DENND6A: variants seen among roughly 807,000 people sequenced by gnomAD.
DENND6A encodes the protein DENN domain containing 6A.
DENND6A carries 43 observed loss-of-function variants against 95.5 expected under a neutral mutation model. That is an observed-to-expected ratio of 0.45 (90% confidence interval 0.35 to 0.58). The LOEUF is 0.58. Among genes scored for constraint, DENND6A ranks in the 20% least tolerant of loss-of-function variants. The pLI, the probability that DENND6A is intolerant of heterozygous loss-of-function variation, is 0.00. For missense variants in DENND6A, 574 were observed against 736.0 expected, an observed-to-expected ratio of 0.78 and a Z score of 2.55; for synonymous variants, 257 against 260.4, an observed-to-expected ratio of 0.99 and a Z score of 0.13.
intron 5 of DENND6A, among the ~76,000 whole-genome samples, chr3:57,662,529 T>A (rs1257922863): frequency 6.6e-6 from 1 of 152,108 alleles, no homozygotes; most frequent in Non-Finnish European, 1.5e-5. Flanking sequence ...ACAAAAAGAA[T>A]TGTACATTTG....
rs1326255214 is a variant in DENND6A at position 57,631,200 on chromosome 3, C to T, written c.1354-222G>A. The T allele has an allele frequency of 5.9e-6, 3 of 506,872 alleles. No individual in the cohort carries two copies. In the East Asian group the frequency reaches 1.0e-4, roughly 17 times the overall value. 31.4% of individuals were successfully genotyped at this position (506,872 alleles called of 1,614,324 possible). ...AATCTTAGATAAACCAAGGGGACTA[C>T]ATTTTTTCTTTTTTGAGACAGAGCC... On this transcript the variant is annotated intron_variant, in intron 15 of 19. Coordinates refer to ENST00000311128, the MANE Select transcript of DENND6A (RefSeq NM_152678.3).
intron 9 of DENND6A, among the ~76,000 whole-genome samples, chr3:57,654,152 T>C (rs2071273688): frequency 6.6e-6 from 1 of 151,462 alleles, no homozygotes; most frequent in African/African-American, 2.4e-5. Flanking sequence ...AGACGGGGTT[T>C]CACCGTGTTA....
intron 11 of DENND6A, among the ~76,000 whole-genome samples, chr3:57,642,785 C>A (rs2070976936): frequency 6.6e-6 from 1 of 152,016 alleles, no homozygotes; most frequent in Non-Finnish European, 1.5e-5. Context: ...GTGGGCAGAT[C>A]ACCTGAGGTC....
At chr3:57,682,807 C>A (rs1170802773) in intron 1 of DENND6A, among the ~76,000 whole-genome samples, 1 of 152,192 alleles carries the variant, frequency 6.6e-6, no homozygotes, top group Admixed American at 6.5e-5. Context: ...ACTCAAGTAA[C>A]TGGGATTACA....
At chr3:57,639,744 C>T (rs186957261) in intron 12 of DENND6A, among the ~76,000 whole-genome samples, 1 of 152,030 alleles carries the variant, frequency 6.6e-6, no homozygotes, top group Non-Finnish European at 1.5e-5. Flanking sequence ...TATTAGCACA[C>T]AGTTCTGATT....
chr3:57,664,274 T>C (rs2071490671), intron 4 of DENND6A, among the ~76,000 whole-genome samples: 1 of 152,204 alleles, frequency 6.6e-6, no homozygotes, highest in Non-Finnish European at 1.5e-5. Flanking sequence ...GAATCTTATA[T>C]AGTCAGTTAC....
intron 12 of DENND6A, among the ~76,000 whole-genome samples, chr3:57,641,347 G>T: frequency 2.1e-5 from 3 of 141,168 alleles, no homozygotes; most frequent in African/African-American, 2.6e-5. Context: ...ATATATTTAA[G>T]TATATATTTA....
rs2070651223 is a variant in DENND6A, at chr3:57,630,727, A to G, written c.1505T>C (p.Ile502Thr). ...AAAAAAGACTAACCGGTAAAGTCCA[A>G]TCCAATCGCCTTTTATTCTAGAGGT... ...QLTSRIKGDW[I>T]GLYRHFLKSP... is the part of the protein sequence containing the mutation. The change falls in exon 17 of 20, where the codon ATT becomes ACT. Residue 502 changes from isoleucine to threonine, a missense_variant. Coordinates refer to ENST00000311128, the MANE Select transcript of DENND6A (RefSeq NM_152678.3). 1.2e-6 allele frequency: 2 copies of G among 1,613,414 alleles called. No individual in the cohort carries two copies. Among genetic ancestry groups the G allele is most frequent in the African/African-American group, 1.3e-5 (1 of 74,868 alleles).
chr3:57,664,916 G>C (rs185402369), intron 4 of DENND6A, among the ~76,000 whole-genome samples: 1 of 152,270 alleles, frequency 6.6e-6, no homozygotes, highest in African/African-American at 2.4e-5. Context: ...GGAAAGCCAA[G>C]GGGAAAAAGT....
At chr3:57,678,719 C>CGATGGTG (rs1472836297) in intron 1 of DENND6A, among the ~76,000 whole-genome samples, 4 of 152,230 alleles carry the variant, frequency 2.6e-5, no homozygotes, top group Non-Finnish European at 5.9e-5. Flanking sequence ...ATCTGCAAGC[C>CGATGGTG]AGGAAGAGGA....
chr3:57,663,329 C>CG (rs2071462513), intron 5 of DENND6A, among the ~76,000 whole-genome samples: 1 of 149,788 alleles, frequency 6.7e-6, no homozygotes, highest in Non-Finnish European at 1.5e-5. Flanking sequence ...AGCCAGGCGT[C>CG]GGGCGGGCAC....
chr3:57,630,686 T>C, intron 17 of DENND6A, 29 bp downstream of exon 17: 1 of 1,596,702 alleles, frequency 6.3e-7, no homozygotes, highest in Non-Finnish European at 8.5e-7. Context: ...GCACGACACA[T>C]GGGTGTAAAA....
In DENND6A at chr3:57,628,069, C is replaced by T; in HGVS notation, c.*145G>A. 8.3e-7 allele frequency: 1 copy of T among 1,210,044 alleles called. No homozygotes were observed. The highest frequency in any genetic ancestry group is 1.1e-6 in the Non-Finnish European group (1 of 881,856). 75.0% of individuals were successfully genotyped at this position (1,210,044 alleles called of 1,614,324 possible). On this transcript the variant is annotated 3_prime_UTR_variant, in exon 20 of 20. Coordinates refer to ENST00000311128, the MANE Select transcript of DENND6A (RefSeq NM_152678.3). Reference sequence around the variant, plus strand: ...AATGCACTAAAAAGGTCTGTTTATACAATACAGTCTTTCTACCCTGTAACT... The same window carrying T: ...AATGCACTAAAAAGGTCTGTTTATATAATACAGTCTTTCTACCCTGTAACT...
In DENND6A at chr3:57,660,708, A is replaced by G. The variant is rs1010192; in HGVS notation, c.699+52T>C. On this transcript the variant is annotated intron_variant, in intron 7 of 19. Coordinates refer to ENST00000311128, the MANE Select transcript of DENND6A (RefSeq NM_152678.3). ...GGGTGACAGCACAAGACCCTGTCTC[A>G]AAAAAATAAAAATAAAAATAAAAAG... 1.9e-3 allele frequency: 2,865 copies of G among 1,509,156 alleles called. 36 individuals are homozygous for G. In the African/African-American group the frequency reaches 0.036, roughly 19 times the overall value. 93.5% of individuals were successfully genotyped at this position (1,509,156 alleles called of 1,614,324 possible). A position where few individuals can be genotyped will look rare whatever the true frequency, so the allele number is the denominator to read the frequency against.
chr3:57,672,109 C>A, intron 3 of DENND6A, 147 bp downstream of exon 3: 2 of 746,800 alleles, frequency 2.7e-6, no homozygotes, highest in Non-Finnish European at 4.2e-6. Context: ...TCAACGATGA[C>A]ATGACTAGGC....
intron 11 of DENND6A, 71 bp from the exon 12 acceptor site, chr3:57,641,818 TTTAC>T: frequency 7.7e-7 from 1 of 1,300,316 alleles, no homozygotes; most frequent in East Asian, 2.4e-5. Context: ...TGAAGAATAG[TTTAC>T]TTTTTTTTTC....
At chr3:57,675,182 C>T (rs2071689593) in intron 1 of DENND6A, among the ~76,000 whole-genome samples, 1 of 152,086 alleles carries the variant, frequency 6.6e-6, no homozygotes, top group African/African-American at 2.4e-5. Context: ...AGTTCACAAA[C>T]TTTAATAATG....
intron 12 of DENND6A, among the ~76,000 whole-genome samples, chr3:57,640,595 G>C (rs2070908424): frequency 6.6e-6 from 1 of 152,052 alleles, no homozygotes; most frequent in South Asian, 2.1e-4. Flanking sequence ...GATAAATGTA[G>C]TACATTATAA....
chr3:57,654,114 ATT>A (rs879539392), intron 9 of DENND6A, among the ~76,000 whole-genome samples: 3 of 139,720 alleles, frequency 2.1e-5, no homozygotes, highest in Admixed American at 7.2e-5. Flanking sequence ...CGCCCGGCTA[ATT>A]TTTTTTTTTT....
Sources: gnomAD v4.1 joint callset for allele counts (sites outside exome capture counted in the v4.1 genomes callset) on GRCh38, gnomAD v4.1.1 for gene constraint, MANE v1.5 for transcripts, NCBI Gene and HGNC (gene_info 2026-07-23, HGNC 2026-07-21) for gene names.